The following NLGN1 variants were observed in gnomAD, a reference collection of about 807,000 sequenced individuals.
NLGN1 encodes neuroligin-1.
In NLGN1, 12 loss-of-function variants were observed where a neutral mutation model predicts 65.5. That is an observed-to-expected ratio of 0.18 (90% CI 0.12 to 0.30). NLGN1 has a LOEUF of 0.30. Ranked by LOEUF, NLGN1 falls within the 10% of genes least tolerant of loss-of-function variation. The probability of loss-of-function intolerance (pLI) is 1.00; values close to 1 mark genes in which losing one functional copy is unlikely to be tolerated. For synonymous variants in NLGN1, 350 were observed against 359.5 expected (o/e 0.97, Z 0.30); for missense variants, 750 against 1,007.1 (o/e 0.74, Z 3.46).
chr3:174,042,686 T>TCATCATCTC (rs1732615524), intron 4 of NLGN1, among the ~76,000 whole-genome samples: 2 of 152,206 alleles, frequency 1.3e-5, no homozygotes, highest in South Asian at 4.1e-4. Flanking sequence ...CTGTTTTATT[T>TCATCATCTC]CATTTGTAAA....
intron 3 of NLGN1, among the ~76,000 whole-genome samples, chr3:173,702,255 A>C (rs997008759): frequency 6.9e-6 from 1 of 144,048 alleles, no homozygotes; most frequent in Non-Finnish European, 1.5e-5. Flanking sequence ...AAAAAAAAAA[A>C]GAAGAGTTTT....
At chr3:173,524,461 G>A (rs1363815901) in intron 2 of NLGN1, among the ~76,000 whole-genome samples, 1 of 152,112 alleles carries the variant, frequency 6.6e-6, no homozygotes, top group Non-Finnish European at 1.5e-5. Context: ...TAGGAGTTTT[G>A]CGGACGAATC....
intron 2 of NLGN1, among the ~76,000 whole-genome samples, chr3:173,566,649 C>G (rs1057219855): frequency 3.3e-5 from 5 of 152,102 alleles, no homozygotes; most frequent in Non-Finnish European, 5.9e-5. Context: ...ACCCTGCAAA[C>G]AATTAAATGT....
chr3:173,532,111 T>G (rs1736672835), intron 2 of NLGN1, among the ~76,000 whole-genome samples: 1 of 152,212 alleles, frequency 6.6e-6, no homozygotes, highest in Non-Finnish European at 1.5e-5. Flanking sequence ...ATGTCACTAA[T>G]AATCATTTCT....
chr3:174,143,266 T>G (rs1417919246), intron 4 of NLGN1, among the ~76,000 whole-genome samples: 1 of 152,196 alleles, frequency 6.6e-6, no homozygotes, highest in Non-Finnish European at 1.5e-5. Context: ...AAGGAATTTA[T>G]GGGCTACTGC....
intron 2 of NLGN1, among the ~76,000 whole-genome samples, chr3:173,539,616 TTA>T (rs1384320951): frequency 5.7e-5 from 4 of 69,636 alleles, no homozygotes; most frequent in Admixed American, 1.6e-4. Context: ...ATGTTATATA[TTA>T]TATATTTATA....
At chr3:173,416,262 C>T (rs1426112388) in intron 1 of NLGN1, among the ~76,000 whole-genome samples, 1 of 152,176 alleles carries the variant, frequency 6.6e-6, no homozygotes, top group Admixed American at 6.5e-5. Context: ...ATGCAAGCTC[C>T]TTATCCCTCT....
intron 4 of NLGN1, among the ~76,000 whole-genome samples, chr3:174,274,727 A>C (rs1273983235): frequency 6.6e-6 from 1 of 151,910 alleles, no homozygotes; most frequent in African/African-American, 2.4e-5. Context: ...TCTCTGACAC[A>C]GTAATTCTTT....
At chr3:173,450,900 T>C (rs1721377968) in intron 2 of NLGN1, among the ~76,000 whole-genome samples, 2 of 152,224 alleles carry the variant, frequency 1.3e-5, no homozygotes, top group Non-Finnish European at 2.9e-5. Flanking sequence ...CATGCCATGG[T>C]TTTCAGCTCC....
intron 4 of NLGN1, among the ~76,000 whole-genome samples, chr3:174,122,993 T>A (rs1294018895): frequency 6.6e-6 from 1 of 152,098 alleles, no homozygotes; most frequent in Non-Finnish European, 1.5e-5. Context: ...AGCAAGCATA[T>A]GTGCAAATAT....
chr3:173,900,560 C>T (rs1737155995), intron 4 of NLGN1, among the ~76,000 whole-genome samples: 1 of 152,022 alleles, frequency 6.6e-6, no homozygotes, highest in African/African-American at 2.4e-5. Context: ...AACTCTATCT[C>T]CATCTCTGTT....
At chr3:174,254,468 C>T (rs922543028) in intron 4 of NLGN1, among the ~76,000 whole-genome samples, 1 of 151,944 alleles carries the variant, frequency 6.6e-6, no homozygotes, top group African/African-American at 2.4e-5. Context: ...ACTTTTCTCT[C>T]TACCTGTGTT....
intron 2 of NLGN1, among the ~76,000 whole-genome samples, chr3:173,515,401 T>G (rs558110558): frequency 6.6e-6 from 1 of 152,126 alleles, no homozygotes; most frequent in Non-Finnish European, 1.5e-5. Flanking sequence ...TTATCAGATA[T>G]ATGATTTGCA....
intron 3 of NLGN1, among the ~76,000 whole-genome samples, chr3:173,691,181 T>C (rs1765414965): frequency 6.6e-6 from 1 of 152,082 alleles, no homozygotes; most frequent in Non-Finnish European, 1.5e-5. Context: ...TGTCCTTTGC[T>C]CATGCTGTTT....
At chr3:174,029,225 G>A (rs1277693135) in intron 4 of NLGN1, among the ~76,000 whole-genome samples, 1 of 152,202 alleles carries the variant, frequency 6.6e-6, no homozygotes, top group East Asian at 1.9e-4. Flanking sequence ...GCCTGTGAAA[G>A]GAGCTGAGAG....
intron 4 of NLGN1, among the ~76,000 whole-genome samples, chr3:173,973,344 C>T (rs1193901094): frequency 6.6e-6 from 1 of 152,064 alleles, no homozygotes; most frequent in East Asian, 1.9e-4. Flanking sequence ...ACAAGCCTGT[C>T]CGCCCAGGAG....
intron 4 of NLGN1, among the ~76,000 whole-genome samples, chr3:173,901,301 C>G (rs774843499): frequency 6.7e-6 from 1 of 149,872 alleles, no homozygotes; most frequent in Non-Finnish European, 1.5e-5. Flanking sequence ...AGACAAGTTT[C>G]TGAAACCAGT....
rs191342755 is a variant in NLGN1 at position 174,239,135 on chromosome 3, C to T, written c.647-36180C>T. 3.8e-3 allele frequency among the ~76,000 whole-genome samples: 579 copies of T among 151,956 alleles called. 3 individuals carry two copies. The highest frequency in any genetic ancestry group is 0.013 in the African/African-American group (529 of 41,438). ...ACCCAGGCTGGAGTGCAGTGGCGAT[C>T]TCAGCTCACTGCAACCTCCGCCTCC... On this transcript the variant is annotated intron_variant, in intron 4 of 6. Transcript: ENST00000457714.
At chr3:173,402,406 A>G (rs1264467204) in intron 1 of NLGN1, among the ~76,000 whole-genome samples, 1 of 152,128 alleles carries the variant, frequency 6.6e-6, no homozygotes, top group African/African-American at 2.4e-5. Context: ...TTTTTGCTCA[A>G]CTTTGTATAG....
Sources: allele counts gnomAD v4.1 joint callset (sites outside exome capture counted in the v4.1 genomes callset), GRCh38; gene constraint gnomAD v4.1.1; transcripts MANE v1.5; gene names NCBI Gene and HGNC (gene_info 2026-07-23, HGNC 2026-07-21).